Variants in HOOK3 observed in about 807,000 individuals in gnomAD.
The protein encoded by HOOK3 is protein Hook homolog 3.
HOOK3 carries 24 observed loss-of-function variants against 116.3 expected under a neutral mutation model. The observed-to-expected ratio is 0.21, with a 90% CI of 0.15 to 0.29. HOOK3 has a LOEUF of 0.29. Among genes scored for constraint, HOOK3 ranks in the 10% least tolerant of loss-of-function variants. HOOK3 has a pLI of 1.00. For synonymous variants in HOOK3, 275 were observed against 283.0 expected (o/e 0.97, Z 0.28); for missense variants, 632 against 830.2 (o/e 0.76, Z 2.93).
chr8:42,956,059 C>A (rs574704981), intron 6 of HOOK3, among the ~76,000 whole-genome samples: 1 of 152,154 alleles, frequency 6.6e-6, no homozygotes, highest in South Asian at 2.1e-4. Flanking sequence ...ACTGATTGTC[C>A]CTCTCCCTTT....
chr8:42,968,151 T>A lies in HOOK3; in HGVS notation c.1059T>A (p.Ser353Arg). 1.2e-6 allele frequency: 2 copies of A among 1,613,912 alleles called. No individual in the cohort carries two copies. The highest frequency in any genetic ancestry group is 1.7e-6 in the Non-Finnish European group (2 of 1,179,882). Residue 353 changes from serine (S) to arginine (R), a missense_variant, in exon 11 of 22, where the codon AGT (serine) becomes AGA (arginine). Transcript: ENST00000307602. ...KNTMYMQNTV[S>R]LEEELRKANA... The stretch of plus-strand genomic sequence containing the variant: ...CCATGTATATGCAGAATACTGTCAG[T>A]CTAGAGGAAGAGTTAAGAAAGGCCA...
At chr8:42,982,595 T>C in intron 13 of HOOK3, 32 bp from the exon 14 acceptor site, 1 of 1,465,880 alleles carries the variant, frequency 6.8e-7, no homozygotes, top group Non-Finnish European at 9.6e-7. Context: ...GTGTTTTCCA[T>C]TAGCCTTATA....
chr8:42,953,425 G>A lies in HOOK3; in HGVS notation c.468+2970G>A, dbSNP rs1049996246. On this transcript the variant is annotated intron_variant, in intron 6 of 21. Coordinates refer to ENST00000307602, the MANE Select transcript of HOOK3 (RefSeq NM_032410.4). ...CTCAAAATACAAATATTAGCCGGGC[G>A]TGGTGGCACGTACCTGTAATCCCAG... Among the ~76,000 whole-genome samples the A allele has an allele frequency of 1.5e-4, 23 of 151,954 alleles. No individual in the cohort carries two copies. The East Asian group carries it at 4.3e-3, about 28-fold the overall frequency.
chr8:42,934,504 T>G (rs1163801887), intron 4 of HOOK3, among the ~76,000 whole-genome samples: 1 of 152,148 alleles, frequency 6.6e-6, no homozygotes, highest in Non-Finnish European at 1.5e-5. Context: ...CAACCCATCA[T>G]CTATATTAGG....
At chr8:42,991,742 T>C (rs2130459397) in intron 15 of HOOK3, among the ~76,000 whole-genome samples, 1 of 152,106 alleles carries the variant, frequency 6.6e-6, no homozygotes, top group East Asian at 1.9e-4. Context: ...TACTGAGTAC[T>C]TTGTTTTTGT....
At position 43,023,609 on chromosome 8, in the gene HOOK3, C is replaced by T. The variant is rs181403016; in HGVS notation, c.*5111C>T. 1.1e-3 allele frequency: 187 copies of T among 172,022 alleles called. No individual in the cohort carries two copies. Among genetic ancestry groups the T allele is most frequent in the African/African-American group, 4.3e-3 (180 of 42,138 alleles). The allele number at this position is 172,022 out of a possible 1,614,324, so 10.7% of individuals were successfully genotyped here. A position where few individuals can be genotyped will look rare whatever the true frequency, so the allele number is the denominator to read the frequency against. ...CTAGGATTACAGGCATCTGCCACCA[C>T]GCCCAGCTAATTTTTGTATTTTTAC... On this transcript the variant is annotated 3_prime_UTR_variant, in exon 22 of 22. Transcript: ENST00000307602.
At chr8:43,009,395 A>G (rs969721383) in intron 18 of HOOK3, among the ~76,000 whole-genome samples, 1 of 152,042 alleles carries the variant, frequency 6.6e-6, no homozygotes, top group Non-Finnish European at 1.5e-5. Flanking sequence ...GTCTCCAAAA[A>G]AAAAAAGAAA....
intron 1 of HOOK3, among the ~76,000 whole-genome samples, chr8:42,900,434 A>G (rs947738222): frequency 3.3e-5 from 5 of 152,234 alleles, no homozygotes; most frequent in Non-Finnish European, 7.3e-5. Flanking sequence ...TAGGCTCGGT[A>G]CACTTTGGGA....
intron 15 of HOOK3, among the ~76,000 whole-genome samples, chr8:42,993,553 G>A (rs34100417): frequency 0.13 from 19,776 of 152,108 alleles, 1,778 homozygotes; most frequent in African/African-American, 0.25. Context: ...TTCTTCCTCT[G>A]TTTTTCAGAA....
At position 43,014,101 on chromosome 8, in the gene HOOK3, C is replaced by T. The variant is rs189543268; in HGVS notation, c.2016+701C>T. ...AGAAGTTTGAGACCAGCCTGGACAA[C>T]GTGGTGAAACCCTGTCTCTACTAAA... On this transcript the variant is annotated intron_variant, in intron 21 of 21. Coordinates refer to ENST00000307602, the MANE Select transcript of HOOK3 (RefSeq NM_032410.4). Among the ~76,000 whole-genome samples the T allele has an allele frequency of 9.5e-4, 144 of 151,948 alleles. 1 individual carries two copies. In the South Asian group the frequency reaches 0.011, roughly 12 times the overall value.
Position 43,007,841 on chromosome 8 carries a change from T to TAA in HOOK3, c.1656-6_1656-5insAA. The TAA allele has an allele frequency of 6.3e-7, 1 of 1,579,676 alleles. No homozygotes were observed. The highest frequency in any genetic ancestry group is 2.2e-5 in the East Asian group (1 of 44,556). On this transcript the variant is annotated splice_polypyrimidine_tract_variant and splice_region_variant and intron_variant, in intron 17 of 21. Transcript: ENST00000307602. The stretch of plus-strand genomic sequence containing the variant: ...GTAGTAGGTGATGTTTACCTGTTTG[T>TAA]TACAGAGAGAAGCTGCATGAGGCCA...
At chr8:43,009,699 T>A (rs1236013475) in intron 18 of HOOK3, among the ~76,000 whole-genome samples, 1 of 152,180 alleles carries the variant, frequency 6.6e-6, no homozygotes. Flanking sequence ...TTTTAAGCCA[T>A]TTTTAGTGTA....
chr8:43,029,015 T>C lies in HOOK3; in HGVS notation c.*10517T>C, dbSNP rs932057770. 1 of 196,336 alleles carries C rather than the reference T, an allele frequency of 5.1e-6. No individual in the cohort carries two copies. The highest frequency in any genetic ancestry group is 2.3e-5 in the African/African-American group (1 of 43,276). The allele number at this position is 196,336 out of a possible 1,614,324, so 12.2% of individuals were successfully genotyped here. On this transcript the variant is annotated 3_prime_UTR_variant, in exon 22 of 22. Coordinates refer to ENST00000307602, the MANE Select transcript of HOOK3 (RefSeq NM_032410.4). ...TACTTTAGTATGTGTTCTGTAGCGATTCATATTAGTTAAGGGACGTTTTCA... is the reference window on the plus strand; with the variant it reads ...TACTTTAGTATGTGTTCTGTAGCGACTCATATTAGTTAAGGGACGTTTTCA...
chr8:42,993,736 C>A (rs1315972386), intron 15 of HOOK3, among the ~76,000 whole-genome samples: 1 of 152,082 alleles, frequency 6.6e-6, no homozygotes, highest in Non-Finnish European at 1.5e-5. Context: ...CTTGGTAGAT[C>A]ATATGTGTCT....
At chr8:42,988,850 T>A (rs72647250) in intron 15 of HOOK3, among the ~76,000 whole-genome samples, 27 of 152,334 alleles carry the variant, frequency 1.8e-4, no homozygotes, top group Non-Finnish European at 3.4e-4. Flanking sequence ...TTTTCCTGTC[T>A]TCCTCTCACA....
chr8:42,945,270 A>C (rs1808204462), intron 5 of HOOK3, among the ~76,000 whole-genome samples: 2 of 152,096 alleles, frequency 1.3e-5, no homozygotes, highest in African/African-American at 4.8e-5. Context: ...AAACATGAAA[A>C]CATAAGTTTT....
At chr8:42,940,531 G>C (rs1808093206) in intron 4 of HOOK3, among the ~76,000 whole-genome samples, 1 of 152,222 alleles carries the variant, frequency 6.6e-6, no homozygotes, top group Non-Finnish European at 1.5e-5. Flanking sequence ...GGGAGAGGGA[G>C]AGGGAGAGCG....
intron 13 of HOOK3, among the ~76,000 whole-genome samples, chr8:42,979,065 C>T (rs142795939): frequency 1.6e-3 from 243 of 152,180 alleles, no homozygotes; most frequent in African/African-American, 5.6e-3. Context: ...TGAGTTTAGC[C>T]TGGCCAACAC....
In HOOK3 at chr8:43,021,595, C is replaced by G. The variant is rs1195716458; in HGVS notation, c.*3097C>G. The G allele has an allele frequency of 5.5e-6, 1 of 180,330 alleles. No individual in the cohort carries two copies. The highest frequency in any genetic ancestry group is 1.2e-5 in the Non-Finnish European group (1 of 84,520). The allele number at this position is 180,330 out of a possible 1,614,324, so 11.2% of individuals were successfully genotyped here. On this transcript the variant is annotated 3_prime_UTR_variant, in exon 22 of 22. Coordinates refer to ENST00000307602, the MANE Select transcript of HOOK3 (RefSeq NM_032410.4). Reference sequence around the variant, plus strand: ...AGATTACAGGCACGAGCCACCGCGCCCAGTCGTACTTCTGACTTTTCTTCA... The same window carrying G: ...AGATTACAGGCACGAGCCACCGCGCGCAGTCGTACTTCTGACTTTTCTTCA...
Sources: gnomAD v4.1 joint callset for allele counts (sites outside exome capture counted in the v4.1 genomes callset) on GRCh38, gnomAD v4.1.1 for gene constraint, MANE v1.5 for transcripts, NCBI Gene and HGNC (gene_info 2026-07-23, HGNC 2026-07-21) for gene names.